The following NCMAP variants were observed in gnomAD, a reference collection of about 807,000 sequenced individuals.
NCMAP encodes non-compact myelin associated protein, also known as noncompact myelin-associated protein.
In NCMAP, 8 loss-of-function variants were observed where a neutral mutation model predicts 7.8. That is an observed-to-expected ratio of 1.02 (90% CI 0.60 to 1.84). The LOEUF is 1.84. Among genes scored for constraint, NCMAP ranks in the 40% most tolerant of loss-of-function variants. The probability of loss-of-function intolerance (pLI) is 0.00; values close to 1 mark genes in which losing one functional copy is unlikely to be tolerated. For synonymous variants in NCMAP, 41 were observed against 52.9 expected, an observed-to-expected ratio of 0.78 and a Z score of 0.98; for missense variants, 112 against 131.4, an observed-to-expected ratio of 0.85 and a Z score of 0.72.
intron 1 of NCMAP, among the ~76,000 whole-genome samples, chr1:24,562,145 G>A (rs1651073264): frequency 1.3e-5 from 2 of 152,176 alleles, no homozygotes; most frequent in African/African-American, 4.8e-5. Context: ...GGTTTGCCCA[G>A]AGGATGAAAA....
chr1:24,577,852 C>T (rs904596294), intron 1 of NCMAP, among the ~76,000 whole-genome samples: 3 of 151,560 alleles, frequency 2.0e-5, no homozygotes, highest in Admixed American at 6.6e-5. Flanking sequence ...ATGCATGGGC[C>T]GGGGGTCGGG....
At chr1:24,564,540 A>AAAAG (rs1324809734) in intron 1 of NCMAP, among the ~76,000 whole-genome samples, 1 of 149,624 alleles carries the variant, frequency 6.7e-6, no homozygotes, top group South Asian at 2.1e-4. Context: ...AAACAAAAAA[A>AAAAG]AACCTGAGAG....
In NCMAP at chr1:24,572,481, GT is replaced by G. The variant is rs1469911938; in HGVS notation, c.-8+16314del. On this transcript the variant is annotated intron_variant, in intron 1 of 3. Transcript: ENST00000374392. ...CTATGGTTTGTGGGTAACAGATATGGTTCTGGGCAGCTCAGAGAGGAAGTGA... is the reference window on the plus strand; with the variant it reads ...CTATGGTTTGTGGGTAACAGATATGGTCTGGGCAGCTCAGAGAGGAAGTGA... Among the ~76,000 whole-genome samples, 3 of 150,578 alleles carry G rather than the reference GT, an allele frequency of 2.0e-5. No homozygotes were observed. In the East Asian group the frequency reaches 5.8e-4, roughly 29 times the overall value.
chr1:24,604,600 AAAAAAATATATATATATATATATATATAT>A (rs1557605268), intron 3 of NCMAP, among the ~76,000 whole-genome samples: 4 of 54,404 alleles, frequency 7.4e-5, no homozygotes, highest in African/African-American at 2.8e-4. Flanking sequence ...AAAAAAAAAA[AAAAAAATATATATATATATATATATATAT>A]ATATATATAT....
chr1:24,584,139 C>A (rs374163299), intron 1 of NCMAP, among the ~76,000 whole-genome samples: 1 of 152,290 alleles, frequency 6.6e-6, no homozygotes. Context: ...GCCCTCCCCC[C>A]GCCCCACAGG....
chr1:24,600,941 T>C lies in NCMAP; in HGVS notation c.84T>C (p.Ser28=). The change falls in exon 3 of 4, where the codon AGT becomes AGC. Residue 28 remains serine, a splice_region_variant and synonymous_variant. Coordinates refer to ENST00000374392, the MANE Select transcript of NCMAP (RefSeq NM_001010980.5). ...TCTCTGCTTCTCTCCTTTCTGTAGG[T>C]TCTGGAGCCATTGTTGCTGCCGTTG... ...TTRGEDFLYK[S]SGAIVAAVVV... 6.2e-7 allele frequency: 1 copy of C among 1,614,002 alleles called. No individual in the cohort carries two copies. Among genetic ancestry groups the C allele is most frequent in the Non-Finnish European group, 8.5e-7 (1 of 1,179,956 alleles).
chr1:24,597,452 C>T (rs1319375923), intron 2 of NCMAP, among the ~76,000 whole-genome samples: 2 of 133,502 alleles, frequency 1.5e-5, no homozygotes, highest in Admixed American at 8.8e-5. Context: ...TGCAGTGAGC[C>T]GAGATCACAC....
intron 1 of NCMAP, among the ~76,000 whole-genome samples, chr1:24,572,641 C>A (rs186008931): frequency 1.3e-5 from 2 of 150,602 alleles, no homozygotes; most frequent in Non-Finnish European, 2.9e-5. Flanking sequence ...GCCCCCTCCT[C>A]CTAGGAGTAC....
At chr1:24,600,013 T>A (rs1652422195) in intron 2 of NCMAP, among the ~76,000 whole-genome samples, 2 of 152,170 alleles carry the variant, frequency 1.3e-5, no homozygotes, top group Non-Finnish European at 2.9e-5. Flanking sequence ...TTTTAATTTT[T>A]TATACAGAGA....
chr1:24,602,517 C>A (rs555102486), intron 3 of NCMAP, among the ~76,000 whole-genome samples: 1 of 111,828 alleles, frequency 8.9e-6, no homozygotes, highest in Admixed American at 1.1e-4. Context: ...TTGCAGTGAG[C>A]GGAGATCGCG....
chr1:24,576,587 G>C lies in NCMAP; in HGVS notation c.-7-18837G>C, dbSNP rs961651488. On this transcript the variant is annotated intron_variant, in intron 1 of 3. Transcript: ENST00000374392. The surrounding 1 kb of genome is among the most constrained non-coding windows in gnomAD (Gnocchi z 4.0). ...AAGAGTCACAAGGAGGAAGGGGCCA[G>C]AGAGGGAGGTCCCTGGTCCCCAGCT... is the stretch of plus-strand genomic sequence containing the variant. Among the ~76,000 whole-genome samples the C allele has an allele frequency of 1.3e-5, 2 of 152,170 alleles. No homozygotes were observed. The highest frequency in any genetic ancestry group is 4.8e-5 in the African/African-American group (2 of 41,460).
chr1:24,577,420 T>TTTTTTTTTTTTTTTTTTTTG (rs1557596597), intron 1 of NCMAP, among the ~76,000 whole-genome samples: 3 of 143,854 alleles, frequency 2.1e-5, no homozygotes, highest in East Asian at 2.2e-4. Context: ...TTTTTTTTTT[T>TTTTTTTTTTTTTTTTTTTTG]TTTTTTTTTT....
chr1:24,597,594 GAAGAAAGA>G (rs201917510), intron 2 of NCMAP, among the ~76,000 whole-genome samples: 9 of 92,644 alleles, frequency 9.7e-5, no homozygotes, highest in African/African-American at 3.8e-4. Flanking sequence ...AGAGAAGAAA[GAAGAAAGA>G]AAGAAAGAAA....
At chr1:24,578,336 C>T (rs914193693) in intron 1 of NCMAP, among the ~76,000 whole-genome samples, 6 of 151,576 alleles carry the variant, frequency 4.0e-5, no homozygotes, top group African/African-American at 1.2e-4. Flanking sequence ...GGCCCTCAGT[C>T]TCCCCATTTG....
intron 1 of NCMAP, among the ~76,000 whole-genome samples, chr1:24,581,624 A>G (rs1651748149): frequency 6.6e-6 from 1 of 152,210 alleles, no homozygotes; most frequent in Admixed American, 6.5e-5. Context: ...AAGAGAGCCC[A>G]GCTAACCAAC....
intron 2 of NCMAP, among the ~76,000 whole-genome samples, chr1:24,599,280 CAAAAAAA>C (rs34709750): frequency 3.9e-5 from 4 of 101,636 alleles, no homozygotes; most frequent in Non-Finnish European, 7.8e-5. Context: ...AACTCCCTCT[CAAAAAAA>C]AAAAAAAAAA....
intron 1 of NCMAP, 39 bp from the exon 2 acceptor site, chr1:24,595,385 A>C (rs767837151): frequency 7.0e-7 from 1 of 1,428,280 alleles, no homozygotes; most frequent in East Asian, 2.3e-5. Flanking sequence ...ATAAGGATTT[A>C]TCTAATTTTA....
intron 2 of NCMAP, among the ~76,000 whole-genome samples, chr1:24,597,317 A>G (rs1484342377): frequency 1.3e-5 from 2 of 151,786 alleles, no homozygotes; most frequent in African/African-American, 2.4e-5. Context: ...ACTGGCCAGC[A>G]TGGTAAAATC....
rs1404098884 is a variant in NCMAP at position 24,606,709 on chromosome 1, C to G, written c.*962C>G. 6.6e-6 allele frequency: 1 copy of G among 152,212 alleles called. No individual in the cohort carries two copies. The highest frequency in any genetic ancestry group is 1.5e-5 in the Non-Finnish European group (1 of 68,056). 9.4% of individuals were successfully genotyped at this position (152,212 alleles called of 1,614,324 possible). ...ACCCATTTCTATTCTATAGCAACCT[C>G]GTCTGTGACTCCTTAGCCTGGAGAA... On this transcript the variant is annotated 3_prime_UTR_variant, in exon 4 of 4. Coordinates refer to ENST00000374392, the MANE Select transcript of NCMAP (RefSeq NM_001010980.5).
Sources: gnomAD v4.1 joint callset for allele counts (sites outside exome capture counted in the v4.1 genomes callset) on GRCh38, gnomAD v4.1.1 for gene constraint, Gnocchi (gnomAD v3.1) non-coding constraint, MANE v1.5 for transcripts, NCBI Gene and HGNC (gene_info 2026-07-23, HGNC 2026-07-21) for gene names.